SAMM50: variants seen among roughly 807,000 people sequenced by gnomAD.
The protein encoded by SAMM50 is SAMM50 sorting and assembly machinery component, also known as sorting and assembly machinery component 50 homolog.
A neutral mutation model predicts 66.9 loss-of-function variants in SAMM50; 47 were observed. The ratio of observed to expected loss-of-function variants is 0.70; its 90% CI spans 0.56 to 0.90. SAMM50 has a LOEUF of 0.90. Ranked by LOEUF, SAMM50 falls within the 40% of genes least tolerant of loss-of-function variation. SAMM50 has a pLI of 0.00. For synonymous variants in SAMM50, 191 were observed against 214.1 expected (o/e 0.89, Z 0.94); for missense variants, 535 against 595.3 (o/e 0.90, Z 1.05).
intron 10 of SAMM50, among the ~76,000 whole-genome samples, chr22:43,981,087 G>T (rs2050262266): frequency 2.6e-5 from 4 of 152,260 alleles, no homozygotes; most frequent in Admixed American, 2.6e-4. Context: ...GGCTCCTGCT[G>T]CTGGGCGTCA....
At chr22:43,956,687 A>G (rs2050121278) in intron 1 of SAMM50, among the ~76,000 whole-genome samples, 1 of 152,196 alleles carries the variant, frequency 6.6e-6, no homozygotes, top group Non-Finnish European at 1.5e-5. Context: ...TGAAGTGTGG[A>G]GATCCTTGAT....
At chr22:43,957,733 T>C (rs2050127349) in intron 1 of SAMM50, among the ~76,000 whole-genome samples, 1 of 151,494 alleles carries the variant, frequency 6.6e-6, no homozygotes, top group Non-Finnish European at 1.5e-5. Flanking sequence ...CAATTATAAC[T>C]ACATTTCTGT....
intron 10 of SAMM50, among the ~76,000 whole-genome samples, chr22:43,980,630 C>A (rs2050260405): frequency 6.6e-6 from 1 of 152,092 alleles, no homozygotes; most frequent in Non-Finnish European, 1.5e-5. Flanking sequence ...AGTCCGGACA[C>A]CTGGCTGAGA....
intron 14 of SAMM50, among the ~76,000 whole-genome samples, chr22:43,995,042 A>C (rs2050345679): frequency 6.6e-6 from 1 of 152,190 alleles, no homozygotes; most frequent in African/African-American, 2.4e-5. Flanking sequence ...CAATCTAAAA[A>C]CAGATCTGAA....
chr22:43,959,121 C>A (rs1455925491), intron 1 of SAMM50, among the ~76,000 whole-genome samples: 1 of 149,892 alleles, frequency 6.7e-6, no homozygotes, highest in Non-Finnish European at 1.5e-5. Context: ...TGGGTTCAAG[C>A]GATTCTCCTA....
intron 14 of SAMM50, among the ~76,000 whole-genome samples, chr22:43,993,084 A>G (rs1438743429): frequency 4.6e-5 from 7 of 152,242 alleles, no homozygotes; most frequent in South Asian, 2.1e-4. Flanking sequence ...CCTAACAGCC[A>G]GGTTCTCATT....
chr22:43,972,857 TTTTC>T lies in SAMM50; in HGVS notation c.430-13_430-10del, dbSNP rs760859501. 12 of 1,583,868 alleles carry T rather than the reference TTTTC, an allele frequency of 7.6e-6. No homozygotes were observed. The highest frequency in any genetic ancestry group is 1.2e-5 in the South Asian group (1 of 83,648). The stretch of plus-strand genomic sequence containing the variant: ...AATGTAGACCACTGCTATTTTTTTT[TTTTC>T]CCCTCCTAGGTACTTGGCCTCAAGC... On this transcript the variant is annotated splice_polypyrimidine_tract_variant and intron_variant, in intron 5 of 14. Transcript: ENST00000350028.
intron 1 of SAMM50, among the ~76,000 whole-genome samples, chr22:43,961,614 T>C (rs1238057783): frequency 6.6e-6 from 1 of 152,086 alleles, no homozygotes; most frequent in East Asian, 1.9e-4. Context: ...CACACCTGGC[T>C]AAGTTTTGTA....
intron 10 of SAMM50, among the ~76,000 whole-genome samples, chr22:43,980,136 A>ACACC (rs1569032053): frequency 0.029 from 384 of 13,352 alleles, 1 homozygote; most frequent in Non-Finnish European, 0.035. Flanking sequence ...ACCCACCCAC[A>ACACC]CATCCATCCA....
chr22:43,972,119 T>G (rs928460318), intron 4 of SAMM50, 117 bp from the exon 5 acceptor site: 1 of 584,876 alleles, frequency 1.7e-6, no homozygotes, highest in Non-Finnish European at 3.0e-6. Flanking sequence ...TATTATTTTC[T>G]AAAGGAGATT....
intron 9 of SAMM50, 61 bp from the exon 10 acceptor site, chr22:43,977,810 AT>A (rs1218430477): frequency 8.9e-7 from 1 of 1,123,330 alleles, no homozygotes; most frequent in Non-Finnish European, 1.3e-6. Flanking sequence ...CAAAAACATG[AT>A]TCTGTAGCCC....
intron 1 of SAMM50, chr22:43,957,498 C>T (rs1603418366): frequency 9.8e-6 from 2 of 203,408 alleles, no homozygotes; most frequent in East Asian, 3.2e-4. Flanking sequence ...TCTCCACTCA[C>T]TGCAACCTCC....
intron 6 of SAMM50, 37 bp downstream of exon 6, chr22:43,973,038 GA>G: frequency 6.4e-7 from 1 of 1,574,188 alleles, no homozygotes; most frequent in South Asian, 1.2e-5. Flanking sequence ...ACACTGGCCT[GA>G]TAGAAAAGTT....
chr22:43,973,580 T>C (rs1466317904), intron 7 of SAMM50, among the ~76,000 whole-genome samples: 3 of 152,160 alleles, frequency 2.0e-5, no homozygotes, highest in Non-Finnish European at 2.9e-5. Context: ...TCCCCATATG[T>C]GTGGAGACTG....
At chr22:43,963,876 G>C (rs2050159662) in intron 2 of SAMM50, among the ~76,000 whole-genome samples, 1 of 152,114 alleles carries the variant, frequency 6.6e-6, no homozygotes, top group Admixed American at 6.5e-5. Flanking sequence ...GGGGTCTTTA[G>C]AGGATGCATA....
At chr22:43,980,904 G>T (rs2050261451) in intron 10 of SAMM50, among the ~76,000 whole-genome samples, 1 of 152,228 alleles carries the variant, frequency 6.6e-6, no homozygotes, top group South Asian at 2.1e-4. Context: ...AAGAGACAAG[G>T]CTCTGTCCTT....
At chr22:43,973,793 G>C (rs2050216874) in intron 7 of SAMM50, among the ~76,000 whole-genome samples, 1 of 152,038 alleles carries the variant, frequency 6.6e-6, no homozygotes, top group Admixed American at 6.6e-5. Context: ...GTTATTTTTA[G>C]TAGAGATGGC....
intron 7 of SAMM50, chr22:43,975,814 T>C: frequency 2.2e-6 from 1 of 458,622 alleles, no homozygotes; most frequent in Non-Finnish European, 4.0e-6. Context: ...GGTGCAGTCC[T>C]GCTACTTAGA....
intron 1 of SAMM50, among the ~76,000 whole-genome samples, chr22:43,956,456 T>TTA (rs1335056460): frequency 6.6e-6 from 1 of 152,186 alleles, no homozygotes. Context: ...TAACTTCCCT[T>TTA]TATATGTCTT....
Sources: gnomAD v4.1 joint callset for allele counts (sites outside exome capture counted in the v4.1 genomes callset) on GRCh38, gnomAD v4.1.1 for gene constraint, MANE v1.5 for transcripts, NCBI Gene and HGNC (gene_info 2026-07-23, HGNC 2026-07-21) for gene names.